Variants in DACH2 observed in about 807,000 individuals in gnomAD.
DACH2 encodes dachshund family transcription factor 2.
DACH2 carries 17 observed loss-of-function variants against 35.8 expected under a neutral mutation model. That is an observed-to-expected ratio of 0.48 (90% CI 0.33 to 0.71). The LOEUF (loss-of-function observed/expected upper bound fraction) is 0.71, where lower values mean the gene tolerates loss of function less well. DACH2 is among the 30% of genes least tolerant of loss of function. The pLI is 0.02. For synonymous variants in DACH2, 195 were observed against 177.3 expected, an observed-to-expected ratio of 1.10 and a Z score of -0.79; for missense variants, 469 against 472.7, an observed-to-expected ratio of 0.99 and a Z score of 0.07.
chrX:86,585,399 C>T lies in DACH2; in HGVS notation c.641-65637C>T, dbSNP rs1406516173. ...GTTTAATTAATTAATTAATTATTATCATTTAACTTTTATTTTAGGTTCGGG... is the reference window on the plus strand; with the variant it reads ...GTTTAATTAATTAATTAATTATTATTATTTAACTTTTATTTTAGGTTCGGG... On this transcript the variant is annotated intron_variant, in intron 3 of 11. Transcript: ENST00000373125. Among the ~76,000 whole-genome samples the T allele has an allele frequency of 3.6e-5, 4 of 110,739 alleles. No individual in the cohort carries two copies. In the East Asian group the frequency reaches 1.1e-3, roughly 31 times the overall value.
intron 3 of DACH2, among the ~76,000 whole-genome samples, chrX:86,607,788 C>T (rs2039879054): frequency 1.1e-5 from 1 of 93,291 alleles, no homozygotes; most frequent in African/African-American, 4.0e-5. Context: ...TGTTCCCCTT[C>T]CTGTGTCCAT....
intron 1 of DACH2, among the ~76,000 whole-genome samples, chrX:86,249,402 A>G (rs912970076): frequency 1.8e-5 from 2 of 111,822 alleles, no homozygotes; most frequent in South Asian, 3.7e-4. Context: ...ACATGAACAG[A>G]TACTTCTCTA....
intron 7 of DACH2, among the ~76,000 whole-genome samples, chrX:86,778,895 C>T (rs1360526261): frequency 8.9e-6 from 1 of 111,863 alleles, no homozygotes; most frequent in African/African-American, 3.3e-5. Flanking sequence ...TGTGAGCCAC[C>T]ATGCCTCGCC....
At chrX:86,154,101 C>A (rs186992295) in intron 1 of DACH2, among the ~76,000 whole-genome samples, 63 of 111,354 alleles carry the variant, frequency 5.7e-4, no homozygotes, top group Admixed American at 2.4e-3. Flanking sequence ...TCTTAGGTAA[C>A]CTTATTTTGT....
chrX:86,425,473 G>T (rs2036877516), intron 2 of DACH2, among the ~76,000 whole-genome samples: 1 of 110,532 alleles, frequency 9.0e-6, no homozygotes, highest in East Asian at 2.8e-4. Context: ...ACATATAATT[G>T]CTCATAACAG....
intron 11 of DACH2, among the ~76,000 whole-genome samples, chrX:86,824,514 G>A (rs1272607631): frequency 4.5e-5 from 5 of 111,666 alleles, no homozygotes; most frequent in Non-Finnish European, 7.5e-5. Context: ...CTGAGGTGAT[G>A]TACATCCTCA....
At chrX:86,590,783 ATC>A (rs1194681415) in intron 3 of DACH2, among the ~76,000 whole-genome samples, 2 of 111,130 alleles carry the variant, frequency 1.8e-5, no homozygotes, top group African/African-American at 6.5e-5. Flanking sequence ...ATAAATAGGT[ATC>A]TCGCAGTTTT....
chrX:86,441,968 G>T (rs906037263), intron 2 of DACH2, among the ~76,000 whole-genome samples: 4 of 108,775 alleles, frequency 3.7e-5, no homozygotes, highest in Admixed American at 1.0e-4. Context: ...GGGCTCAAGT[G>T]ATTATCCTGC....
intron 4 of DACH2, among the ~76,000 whole-genome samples, chrX:86,686,355 C>T (rs2040943207): frequency 9.1e-6 from 1 of 110,480 alleles, no homozygotes; most frequent in Non-Finnish European, 1.9e-5. Flanking sequence ...GCCTCAGCCT[C>T]CCGAGTAGCT....
chrX:86,452,313 T>G (rs2037392411), intron 2 of DACH2, among the ~76,000 whole-genome samples: 1 of 111,858 alleles, frequency 8.9e-6, no homozygotes, highest in Admixed American at 9.5e-5. Flanking sequence ...TGCCAGGTTT[T>G]GGTATCAAGA....
intron 2 of DACH2, among the ~76,000 whole-genome samples, chrX:86,432,549 G>C: frequency 8.9e-6 from 1 of 111,783 alleles, no homozygotes; most frequent in Non-Finnish European, 1.9e-5. Flanking sequence ...AGAACACTGA[G>C]GTGTTTCAAA....
At chrX:86,751,271 T>TC (rs767403810) in intron 7 of DACH2, among the ~76,000 whole-genome samples, 10 of 110,508 alleles carry the variant, frequency 9.0e-5, no homozygotes, top group Non-Finnish European at 1.5e-4. Flanking sequence ...AAAAAGCTAC[T>TC]CCATCATGAT....
intron 7 of DACH2, among the ~76,000 whole-genome samples, chrX:86,792,673 A>ATG (rs1419004224): frequency 1.8e-5 from 2 of 111,674 alleles, no homozygotes; most frequent in African/African-American, 6.5e-5. Context: ...AGGACCTCCT[A>ATG]TTCCATCTAT....
intron 2 of DACH2, among the ~76,000 whole-genome samples, chrX:86,492,781 A>C (rs760348763): frequency 1.5e-4 from 17 of 111,762 alleles, no homozygotes; most frequent in Non-Finnish European, 3.0e-4. Flanking sequence ...AAAGGACATT[A>C]TTTCTTTCTT....
At chrX:86,465,605 T>C (rs768408478) in intron 2 of DACH2, among the ~76,000 whole-genome samples, 1 of 112,182 alleles carries the variant, frequency 8.9e-6, no homozygotes, top group Admixed American at 9.5e-5. Context: ...CCTTACTGGC[T>C]TTTAAAAGAT....
At chrX:86,506,271 C>T (rs1190428317) in intron 2 of DACH2, among the ~76,000 whole-genome samples, 2 of 111,963 alleles carry the variant, frequency 1.8e-5, no homozygotes, top group East Asian at 5.6e-4. Flanking sequence ...GTTGCTGTTT[C>T]CTTACTGGCT....
At chrX:86,250,477 G>T (rs1186484040) in intron 1 of DACH2, among the ~76,000 whole-genome samples, 1 of 110,945 alleles carries the variant, frequency 9.0e-6, no homozygotes, top group Non-Finnish European at 1.9e-5. Flanking sequence ...AATCAATATT[G>T]TTATATGGAT....
At chrX:86,456,477 C>A (rs1193727187) in intron 2 of DACH2, among the ~76,000 whole-genome samples, 6 of 111,694 alleles carry the variant, frequency 5.4e-5, no homozygotes, top group Admixed American at 9.5e-5. Flanking sequence ...CTTGCAATAA[C>A]AAAATATTCC....
At chrX:86,663,113 A>C (rs2040626075) in intron 4 of DACH2, among the ~76,000 whole-genome samples, 1 of 111,560 alleles carries the variant, frequency 9.0e-6, no homozygotes, top group South Asian at 3.7e-4. Flanking sequence ...AGTTGGAGAA[A>C]CTTTCAAGAA....
Sources: gnomAD v4.1 joint callset for allele counts (sites outside exome capture counted in the v4.1 genomes callset) on GRCh38, gnomAD v4.1.1 for gene constraint, MANE v1.5 for transcripts, NCBI Gene and HGNC (gene_info 2026-07-23, HGNC 2026-07-21) for gene names.